The following DEPDC1 variants were observed in gnomAD, a reference collection of about 807,000 sequenced individuals.
The protein encoded by DEPDC1 is DEP domain containing 1.
DEPDC1 carries 66 observed loss-of-function variants against 86.8 expected under a neutral mutation model. The observed-to-expected ratio is 0.76, with a 90% CI of 0.62 to 0.93. The LOEUF (loss-of-function observed/expected upper bound fraction) is 0.93. DEPDC1 is among the 40% of genes least tolerant of loss of function. The pLI is 0.00. For synonymous variants in DEPDC1, 255 were observed against 314.9 expected, an observed-to-expected ratio of 0.81 and a Z score of 2.02; for missense variants, 792 against 935.7, an observed-to-expected ratio of 0.85 and a Z score of 2.00.
Position 68,474,906 on chromosome 1 carries a change from T to C in DEPDC1, c.*2026A>G, listed in dbSNP as rs942086648. On this transcript the variant is annotated 3_prime_UTR_variant, in exon 12 of 12. Coordinates refer to ENST00000456315, the MANE Select transcript of DEPDC1 (RefSeq NM_001114120.3). ...TCATCAATTGTCCGTAATTTTGTTTTGGTTCATGTCTGTCCAAAGCAACAG... is the reference window on the plus strand; with the variant it reads ...TCATCAATTGTCCGTAATTTTGTTTCGGTTCATGTCTGTCCAAAGCAACAG... 1.3e-5 allele frequency: 2 copies of C among 152,060 alleles called. No homozygotes were observed. Among genetic ancestry groups the C allele is most frequent in the Non-Finnish European group, 2.9e-5 (2 of 67,930 alleles). The allele number at this position is 152,060 out of a possible 1,614,324, so 9.4% of individuals were successfully genotyped here.
At chr1:68,481,807 A>T in intron 8 of DEPDC1, 195 bp from the exon 9 acceptor site, 1 of 625,734 alleles carries the variant, frequency 1.6e-6, no homozygotes, top group Non-Finnish European at 2.5e-6. Context: ...TAAGTATTAA[A>T]ATTCTTCACT....
In DEPDC1 at chr1:68,481,455, C is replaced by G; in HGVS notation, c.1920G>C (p.Met640Ile). 1 of 1,611,968 alleles carries G rather than the reference C, an allele frequency of 6.2e-7. No homozygotes were observed. Among genetic ancestry groups the G allele is most frequent in the South Asian group, 1.1e-5 (1 of 90,968 alleles). ...NVDMPKLHDAMGTRSLMIHTF... is the reference protein window; with the variant it reads ...NVDMPKLHDAIGTRSLMIHTF... ...ATCAACTTACCAGTGACCTCGTACCCATTGCATCATGAAGTTTGGGCATAT... is the reference window on the plus strand; with the variant it reads ...ATCAACTTACCAGTGACCTCGTACCGATTGCATCATGAAGTTTGGGCATAT... The change falls in exon 9 of 12, where the codon ATG becomes ATC. Residue 640 changes from methionine (M) to isoleucine (I), a missense_variant. Transcript: ENST00000456315.
At chr1:68,483,630 C>T (rs1372675924) in intron 7 of DEPDC1, 6 of 268,728 alleles carry the variant, frequency 2.2e-5, no homozygotes, top group South Asian at 8.4e-5. Context: ...ACCCTCATAC[C>T]GTGCTCTGTG....
intron 2 of DEPDC1, among the ~76,000 whole-genome samples, 165 bp from the exon 3 acceptor site, chr1:68,489,773 G>T (rs1268466186): frequency 6.6e-6 from 1 of 151,568 alleles, no homozygotes; most frequent in Non-Finnish European, 1.5e-5. Flanking sequence ...AAAAAAATAG[G>T]TTCCTTTTTT....
chr1:68,478,862 T>C (rs956132753), intron 10 of DEPDC1, among the ~76,000 whole-genome samples: 1 of 151,992 alleles, frequency 6.6e-6, no homozygotes, highest in South Asian at 2.1e-4. Flanking sequence ...TCTTTTTCCT[T>C]TGAATTGCAA....
At chr1:68,477,288 C>T (rs943711583) in intron 11 of DEPDC1, among the ~76,000 whole-genome samples, 2 of 151,442 alleles carry the variant, frequency 1.3e-5, no homozygotes, top group Non-Finnish European at 3.0e-5. Context: ...CTTTCTCTTC[C>T]GATGTTAATT....
At chr1:68,488,614 T>C (rs1171179459) in intron 4 of DEPDC1, 110 bp from the exon 5 acceptor site, 6 of 933,378 alleles carry the variant, frequency 6.4e-6, no homozygotes, top group Non-Finnish European at 9.4e-6. Flanking sequence ...ACCAAATTTC[T>C]AAGACTTATA....
intron 9 of DEPDC1, among the ~76,000 whole-genome samples, chr1:68,480,252 C>CACCACACACACACACA (rs1553155658): frequency 3.4e-5 from 5 of 145,426 alleles, no homozygotes; most frequent in Non-Finnish European, 7.5e-5. Context: ...TCTAACTGTA[C>CACCACACACACACACA]CACACACACA....
In DEPDC1 at chr1:68,479,138, A is replaced by G; in HGVS notation, c.2112+6T>C. ...TGCAGAGAATTTTAAGACTCACAAT[A>G]CTTACATGTCCCTTTTTTAAGTAGT... On this transcript the variant is annotated splice_donor_region_variant and intron_variant, in intron 10 of 11. Coordinates refer to ENST00000456315, the MANE Select transcript of DEPDC1 (RefSeq NM_001114120.3). 1 of 1,601,564 alleles carries G rather than the reference A, an allele frequency of 6.2e-7. No individual in the cohort carries two copies. Among genetic ancestry groups the G allele is most frequent in the Non-Finnish European group, 8.5e-7 (1 of 1,174,906 alleles).
chr1:68,496,782 C>T lies in DEPDC1; in HGVS notation c.48+170G>A. Reference sequence around the variant, plus strand: ...AAAATAGAGGGAGCGGTGAGTCTGGCAAGGGTTGCATACCCGCTACTTCTC... The same window carrying T: ...AAAATAGAGGGAGCGGTGAGTCTGGTAAGGGTTGCATACCCGCTACTTCTC... On this transcript the variant is annotated intron_variant, in intron 1 of 11. Transcript: ENST00000456315. The surrounding 1 kb of genome is among the most constrained non-coding windows in gnomAD (Gnocchi z 4.0). 1.5e-6 allele frequency: 1 copy of T among 661,240 alleles called. No homozygotes were observed. Among genetic ancestry groups the T allele is most frequent in the Non-Finnish European group, 2.6e-6 (1 of 379,412 alleles). The allele number at this position is 661,240 out of a possible 1,614,324, so 41.0% of individuals were successfully genotyped here.
intron 6 of DEPDC1, among the ~76,000 whole-genome samples, chr1:68,486,490 C>T (rs146947384): frequency 4.0e-4 from 61 of 151,686 alleles, no homozygotes; most frequent in African/African-American, 1.3e-3. Context: ...TACAGCAGCA[C>T]GAGAACAAAC....
intron 11 of DEPDC1, among the ~76,000 whole-genome samples, chr1:68,477,333 T>TA (rs1386303573): frequency 2.0e-5 from 3 of 151,720 alleles, no homozygotes; most frequent in South Asian, 4.1e-4. Flanking sequence ...TTCCCACTGA[T>TA]AAAACCTATG....
chr1:68,479,406 G>T, intron 9 of DEPDC1, 86 bp from the exon 10 acceptor site: 1 of 1,033,944 alleles, frequency 9.7e-7, no homozygotes, highest in East Asian at 2.7e-5. Context: ...AGCATTATGT[G>T]AAGTATTGGG....
Position 68,482,792 on chromosome 1 carries a change from A to G in DEPDC1, c.1016T>C (p.Phe339Ser). 1 of 1,612,512 alleles carries G rather than the reference A, an allele frequency of 6.2e-7. No homozygotes were observed. Among genetic ancestry groups the G allele is most frequent in the East Asian group, 2.2e-5 (1 of 44,796 alleles). ...KFLHLNNLNS[F>S]KSTECLLLSL... ...GAGAAGAAGGCACTCAGTTGATTTGAAGGAATTCAAATTGTTTAAGTGAAG... is the reference window on the plus strand; with the variant it reads ...GAGAAGAAGGCACTCAGTTGATTTGGAGGAATTCAAATTGTTTAAGTGAAG... The change falls in exon 8 of 12, where the codon TTC (phenylalanine) becomes TCC (serine). Residue 339 changes from phenylalanine (F) to serine (S), a missense_variant. Coordinates refer to ENST00000456315, the MANE Select transcript of DEPDC1 (RefSeq NM_001114120.3).
At chr1:68,483,229 T>C (rs1256695281) in intron 7 of DEPDC1, 1 of 529,736 alleles carries the variant, frequency 1.9e-6, no homozygotes, top group East Asian at 5.1e-5. Context: ...ATAAGATAAT[T>C]GTGGTATAAT....
chr1:68,486,141 C>T (rs993932847), intron 6 of DEPDC1, among the ~76,000 whole-genome samples: 3 of 152,072 alleles, frequency 2.0e-5, no homozygotes, highest in Non-Finnish European at 4.4e-5. Context: ...TCTGTCCTCA[C>T]CCAAATCTCA....
At chr1:68,479,415 G>A in intron 9 of DEPDC1, 95 bp from the exon 10 acceptor site, 2 of 921,334 alleles carry the variant, frequency 2.2e-6, no homozygotes, top group Non-Finnish European at 3.2e-6. Context: ...TGAAGTATTG[G>A]GAAAAAGTGG....
In DEPDC1 at chr1:68,487,434, G is replaced by T. The variant is rs138631309; in HGVS notation, c.722-450C>A. ...ATCTCACTATTATGCTGCTTTTATA[G>T]TGAAGTTTGCTTAAAATCTTTCGAG... On this transcript the variant is annotated intron_variant, in intron 5 of 11. Coordinates refer to ENST00000456315, the MANE Select transcript of DEPDC1 (RefSeq NM_001114120.3). 5.4e-4 allele frequency among the ~76,000 whole-genome samples: 82 copies of T among 152,054 alleles called. 1 individual carries two copies. In the East Asian group the frequency reaches 0.015, roughly 29 times the overall value.
rs963761455 is a variant in DEPDC1 at position 68,482,960 on chromosome 1, AAAC to A, written c.911-66_911-64del. ...ATGACAGTGGACAAAAATAAAACAA[AAAC>A]AATAGTAAAGTTAAAAAATAAAGCA... On this transcript the variant is annotated intron_variant, in intron 7 of 11. Transcript: ENST00000456315. The A allele has an allele frequency of 4.1e-6, 6 of 1,467,936 alleles. No individual in the cohort carries two copies. The African/African-American group carries it at 8.5e-5, about 21-fold the overall frequency. 90.9% of individuals were successfully genotyped at this position (1,467,936 alleles called of 1,614,324 possible). A position where few individuals can be genotyped will look rare whatever the true frequency, so the allele number is the denominator to read the frequency against.
Sources: gnomAD v4.1 joint callset for allele counts (sites outside exome capture counted in the v4.1 genomes callset) on GRCh38, gnomAD v4.1.1 for gene constraint, Gnocchi (gnomAD v3.1) non-coding constraint, MANE v1.5 for transcripts, NCBI Gene and HGNC (gene_info 2026-07-23, HGNC 2026-07-21) for gene names.